TIMM44: variants seen among roughly 807,000 people sequenced by gnomAD.
TIMM44 encodes the protein mitochondrial import inner membrane translocase subunit TIM44.
In TIMM44, 37 loss-of-function variants were observed where a neutral mutation model predicts 63.8. The observed-to-expected ratio is 0.58, with a 90% CI of 0.45 to 0.76. The LOEUF (loss-of-function observed/expected upper bound fraction) is 0.76. TIMM44 is among the 30% of genes least tolerant of loss of function. The pLI is 0.00. For missense variants in TIMM44, 573 were observed against 603.8 expected, an observed-to-expected ratio of 0.95 and a Z score of 0.54; for synonymous variants, 239 against 245.1, an observed-to-expected ratio of 0.98 and a Z score of 0.23.
rs1444231991 is a variant in TIMM44, at chr19:7,934,076, G to C, written c.543+13C>G. ...GCCCCAGGCTGCATGCCCTAGCCCAGGACTGGGCTCACCTGGGAGAGGGCT... is the reference window on the plus strand; with the variant it reads ...GCCCCAGGCTGCATGCCCTAGCCCACGACTGGGCTCACCTGGGAGAGGGCT... On this transcript the variant is annotated intron_variant, in intron 5 of 12. Coordinates refer to ENST00000270538, the MANE Select transcript of TIMM44 (RefSeq NM_006351.4). This position sits in a 1 kb window ranked among gnomAD's most constrained non-coding sequence, Gnocchi z 5.3. The C allele has an allele frequency of 1.9e-6, 3 of 1,613,228 alleles. No homozygotes were observed. The highest frequency in any genetic ancestry group is 2.5e-6 in the Non-Finnish European group (3 of 1,179,992).
chr19:7,935,801 T>C (rs924347945), intron 3 of TIMM44, among the ~76,000 whole-genome samples: 3 of 152,166 alleles, frequency 2.0e-5, no homozygotes, highest in South Asian at 2.1e-4. Context: ...CTTGGTCTTA[T>C]GTCTCCCGCT....
rs772175924 is a variant in TIMM44, at chr19:7,934,007, C to A, written c.544-4G>T. On this transcript the variant is annotated splice_polypyrimidine_tract_variant and splice_region_variant and intron_variant, in intron 5 of 12. Coordinates refer to ENST00000270538, the MANE Select transcript of TIMM44 (RefSeq NM_006351.4). This position sits in a 1 kb window ranked among gnomAD's most constrained non-coding sequence, Gnocchi z 5.3. ...CCTTCTTCACGGACTCCACCCCCTG[C>A]GAGGGAGGCACAGCGGGGCTGGGGT... 12 of 1,613,802 alleles carry A rather than the reference C, an allele frequency of 7.4e-6. No individual in the cohort carries two copies. The East Asian group carries it at 2.5e-4, about 33-fold the overall frequency.
In TIMM44 at chr19:7,927,685, G is replaced by A. The variant is rs1983853029; in HGVS notation, c.1211C>T (p.Pro404Leu). The A allele has an allele frequency of 6.2e-7, 1 of 1,613,470 alleles. No individual in the cohort carries two copies. Among genetic ancestry groups the A allele is most frequent in the Non-Finnish European group, 8.5e-7 (1 of 1,180,002 alleles). The change falls in exon 12 of 13, where the codon CCC becomes CTC. Residue 404 changes from proline to leucine, a missense_variant. Pro to Leu is a moderately conservative substitution (Grantham distance 98). Coordinates refer to ENST00000270538, the MANE Select transcript of TIMM44 (RefSeq NM_006351.4). ...QAQLVMVVRN[P>L]KGEVVEGDPD... ...GTCACCCTCCACCACCTCGCCTTTG[G>A]GGTTCCTGACCACCATCACCAGCTG...
chr19:7,935,243 G>C (rs1369348666), intron 3 of TIMM44, 98 bp from the exon 4 acceptor site: 3 of 1,093,830 alleles, frequency 2.7e-6, no homozygotes, highest in South Asian at 1.3e-5. Flanking sequence ...TCGGCTCACT[G>C]CAACTTCCTC....
At chr19:7,937,114 C>G (rs67733887) in intron 3 of TIMM44, among the ~76,000 whole-genome samples, 14,388 of 150,946 alleles carry the variant, frequency 0.095, 790 homozygotes, top group African/African-American at 0.16. Flanking sequence ...AAAACAACAA[C>G]AACAACAACA....
Position 7,933,047 on chromosome 19 carries a change from G to A in TIMM44, c.770-115C>T, listed in dbSNP as rs1984033693. The A allele has an allele frequency of 1.2e-6, 1 of 825,684 alleles. No homozygotes were observed. Among genetic ancestry groups the A allele is most frequent in the Non-Finnish European group, 2.0e-6 (1 of 493,628 alleles). 51.1% of individuals were successfully genotyped at this position (825,684 alleles called of 1,614,324 possible). A position where few individuals can be genotyped will look rare whatever the true frequency, so the allele number is the denominator to read the frequency against. On this transcript the variant is annotated intron_variant, in intron 7 of 12. Coordinates refer to ENST00000270538, the MANE Select transcript of TIMM44 (RefSeq NM_006351.4). The surrounding 1 kb of genome is among the most constrained non-coding windows in gnomAD (Gnocchi z 4.3). The stretch of plus-strand genomic sequence containing the variant: ...GCGGGATCCACCCTGACACGGGTGG[G>A]GTCAGGGAGGGGACGGCTGTGGACC...
intron 3 of TIMM44, among the ~76,000 whole-genome samples, chr19:7,937,530 T>C (rs1984190784): frequency 2.0e-5 from 3 of 152,200 alleles, no homozygotes; most frequent in Non-Finnish European, 4.4e-5. Context: ...GAACGCTGCA[T>C]GGTCTCATGG....
rs1169998477 is a variant in TIMM44 at position 7,934,383 on chromosome 19, G to A, written c.394-145C>T. ...GGCCTTCTGTGCTCCTGTGGTACGCGGCACCCCCAGAGCCATGAGCACAAC... is the reference window on the plus strand; with the variant it reads ...GGCCTTCTGTGCTCCTGTGGTACGCAGCACCCCCAGAGCCATGAGCACAAC... On this transcript the variant is annotated intron_variant, in intron 4 of 12. Coordinates refer to ENST00000270538, the MANE Select transcript of TIMM44 (RefSeq NM_006351.4). The surrounding 1 kb of genome is among the most constrained non-coding windows in gnomAD (Gnocchi z 5.3). 5.5e-6 allele frequency: 6 copies of A among 1,082,052 alleles called. No individual in the cohort carries two copies. Among genetic ancestry groups the A allele is most frequent in the East Asian group, 2.5e-5 (1 of 40,812 alleles). The allele number at this position is 1,082,052 out of a possible 1,614,324, so 67.0% of individuals were successfully genotyped here. A position where few individuals can be genotyped will look rare whatever the true frequency, so the allele number is the denominator to read the frequency against.
chr19:7,932,452 G>A lies in TIMM44; in HGVS notation c.987+175C>T, dbSNP rs564861773. Reference sequence around the variant, plus strand: ...CCGGTAAGGCCCAGGAAGGGCTTCGGGCACAGCTCATGGGGCAGCTGCAGC... The same window carrying A: ...CCGGTAAGGCCCAGGAAGGGCTTCGAGCACAGCTCATGGGGCAGCTGCAGC... On this transcript the variant is annotated intron_variant, in intron 9 of 12. Coordinates refer to ENST00000270538, the MANE Select transcript of TIMM44 (RefSeq NM_006351.4). The A allele has an allele frequency of 1.0e-4, 88 of 853,608 alleles. 1 individual carries two copies. In the South Asian group the frequency reaches 1.2e-3, roughly 12 times the overall value. 52.9% of individuals were successfully genotyped at this position (853,608 alleles called of 1,614,324 possible). A position where few individuals can be genotyped will look rare whatever the true frequency, so the allele number is the denominator to read the frequency against.
Position 7,933,415 on chromosome 19 carries a change from G to A in TIMM44, c.769+70C>T. The stretch of plus-strand genomic sequence containing the variant: ...ACGGGGCTGTCTTGTGCCCAATGCA[G>A]GGGGATCACCTTGCGGTCCACCAAC... On this transcript the variant is annotated intron_variant, in intron 7 of 12. Coordinates refer to ENST00000270538, the MANE Select transcript of TIMM44 (RefSeq NM_006351.4). This position sits in a 1 kb window ranked among gnomAD's most constrained non-coding sequence, Gnocchi z 4.3. The A allele has an allele frequency of 1.4e-6, 2 of 1,392,786 alleles. No homozygotes were observed. Among genetic ancestry groups the A allele is most frequent in the Non-Finnish European group, 2.0e-6 (2 of 978,020 alleles). The allele number at this position is 1,392,786 out of a possible 1,614,324, so 86.3% of individuals were successfully genotyped here.
Position 7,933,075 on chromosome 19 carries a change from C to A in TIMM44, c.770-143G>T. 1 of 728,260 alleles carries A rather than the reference C, an allele frequency of 1.4e-6. No individual in the cohort carries two copies. Among genetic ancestry groups the A allele is most frequent in the South Asian group, 1.5e-5 (1 of 66,874 alleles). The allele number at this position is 728,260 out of a possible 1,614,324, so 45.1% of individuals were successfully genotyped here. A position where few individuals can be genotyped will look rare whatever the true frequency, so the allele number is the denominator to read the frequency against. On this transcript the variant is annotated intron_variant, in intron 7 of 12. Transcript: ENST00000270538. This position sits in a 1 kb window ranked among gnomAD's most constrained non-coding sequence, Gnocchi z 4.3. ...CAGGGAGGGGACGGCTGTGGACCTG[C>A]ATCCTCATCTGTGCTTGGGGACCGC...
Position 7,933,321 on chromosome 19 carries a change from C to G in TIMM44, c.769+164G>C, listed in dbSNP as rs1282363577. ...ACCTGGCTTCTGGCGGCAGAATCTA[C>G]AGCCCCACCATCATGTGACCGCAAA... On this transcript the variant is annotated intron_variant, in intron 7 of 12. Transcript: ENST00000270538. This position sits in a 1 kb window ranked among gnomAD's most constrained non-coding sequence, Gnocchi z 4.3. Among the ~76,000 whole-genome samples the G allele has an allele frequency of 2.0e-5, 3 of 152,174 alleles. No individual in the cohort carries two copies. Among genetic ancestry groups the G allele is most frequent in the Admixed American group, 2.0e-4 (3 of 15,284 alleles).
rs898175290 is a variant in TIMM44 at position 7,934,840 on chromosome 19, C to T, written c.393+225G>A. 6.6e-6 allele frequency among the ~76,000 whole-genome samples: 1 copy of T among 152,194 alleles called. No individual in the cohort carries two copies. Among genetic ancestry groups the T allele is most frequent in the East Asian group, 1.9e-4 (1 of 5,196 alleles). ...TCTCCTCGAGTCCTGGCTAGCAGCA[C>T]TTACTGCTGCCGACTCCCTGGGTCA... On this transcript the variant is annotated intron_variant, in intron 4 of 12. Coordinates refer to ENST00000270538, the MANE Select transcript of TIMM44 (RefSeq NM_006351.4). The surrounding 1 kb of genome is among the most constrained non-coding windows in gnomAD (Gnocchi z 5.3).
At chr19:7,929,354 A>G (rs1204791654) in intron 10 of TIMM44, among the ~76,000 whole-genome samples, 1 of 152,158 alleles carries the variant, frequency 6.6e-6, no homozygotes, top group Non-Finnish European at 1.5e-5. Context: ...TGGTGTGGGA[A>G]GACTATCGAT....
At position 7,933,355 on chromosome 19, in the gene TIMM44, C is replaced by T. The variant is rs895868115; in HGVS notation, c.769+130G>A. The T allele has an allele frequency of 1.4e-5, 12 of 851,760 alleles. No homozygotes were observed. Among genetic ancestry groups the T allele is most frequent in the Admixed American group, 3.4e-5 (2 of 58,978 alleles). 52.8% of individuals were successfully genotyped at this position (851,760 alleles called of 1,614,324 possible). Reference sequence around the variant, plus strand: ...CATCATGTGACCGCAAAGAAGTGACCGGCCCACTCTGACCCCGATCTCCTC... The same window carrying T: ...CATCATGTGACCGCAAAGAAGTGACTGGCCCACTCTGACCCCGATCTCCTC... On this transcript the variant is annotated intron_variant, in intron 7 of 12. Transcript: ENST00000270538. This position sits in a 1 kb window ranked among gnomAD's most constrained non-coding sequence, Gnocchi z 4.3.
intron 3 of TIMM44, 54 bp from the exon 4 acceptor site, chr19:7,935,199 T>C (rs1472425742): frequency 2.8e-6 from 4 of 1,452,668 alleles, no homozygotes; most frequent in Non-Finnish European, 3.8e-6. Context: ...AGACAATGTC[T>C]CCGTTGCCGA....
chr19:7,939,184 T>A (rs906003006), intron 2 of TIMM44, among the ~76,000 whole-genome samples: 13 of 152,250 alleles, frequency 8.5e-5, no homozygotes, highest in Non-Finnish European at 1.3e-4. Context: ...TTGTGACAGA[T>A]GCTCCACACT....
rs140770835 is a variant in TIMM44 at position 7,932,251 on chromosome 19, G to A, written c.987+376C>T. The A allele has an allele frequency of 1.2e-3, 356 of 292,710 alleles. 2 individuals carry two copies. Among genetic ancestry groups the A allele is most frequent in the African/African-American group, 7.0e-3 (322 of 45,970 alleles). The allele number at this position is 292,710 out of a possible 1,614,324, so 18.1% of individuals were successfully genotyped here. On this transcript the variant is annotated intron_variant, in intron 9 of 12. Coordinates refer to ENST00000270538, the MANE Select transcript of TIMM44 (RefSeq NM_006351.4). Reference sequence around the variant, plus strand: ...TCACGGCTGCAGCTCTGGGTCAGACGTGGCCTGGGGCCAGCTCTGATGTCT... The same window carrying A: ...TCACGGCTGCAGCTCTGGGTCAGACATGGCCTGGGGCCAGCTCTGATGTCT...
In TIMM44 at chr19:7,934,386, AC is replaced by A. The variant is rs998696975; in HGVS notation, c.394-149del. On this transcript the variant is annotated intron_variant, in intron 4 of 12. Coordinates refer to ENST00000270538, the MANE Select transcript of TIMM44 (RefSeq NM_006351.4). The surrounding 1 kb of genome is among the most constrained non-coding windows in gnomAD (Gnocchi z 5.3). ...CTTCTGTGCTCCTGTGGTACGCGGC[AC>A]CCCCAGAGCCATGAGCACAACGGCA... 1 of 1,060,726 alleles carries A rather than the reference AC, an allele frequency of 9.4e-7. No individual in the cohort carries two copies. The highest frequency in any genetic ancestry group is 1.4e-6 in the Non-Finnish European group (1 of 718,632). The allele number at this position is 1,060,726 out of a possible 1,614,324, so 65.7% of individuals were successfully genotyped here.
Sources: gnomAD v4.1 joint callset for allele counts (sites outside exome capture counted in the v4.1 genomes callset) on GRCh38, gnomAD v4.1.1 for gene constraint, Gnocchi (gnomAD v3.1) non-coding constraint, MANE v1.5 for transcripts, NCBI Gene and HGNC (gene_info 2026-07-23, HGNC 2026-07-21) for gene names.